CLEC16A: variants seen among roughly 807,000 people sequenced by gnomAD.
CLEC16A encodes C-type lectin domain containing 16A.
In CLEC16A, 51 loss-of-function variants were observed where a neutral mutation model predicts 109.5. The observed-to-expected ratio is 0.47, with a 90% CI of 0.37 to 0.59. CLEC16A has a LOEUF of 0.59. Among genes scored for constraint, CLEC16A ranks in the 20% least tolerant of loss-of-function variants. CLEC16A has a pLI of 0.00. For synonymous variants in CLEC16A, 673 were observed against 564.2 expected (o/e 1.19, Z -2.73); for missense variants, 1,339 against 1,394.0 (o/e 0.96, Z 0.63).
At chr16:11,150,481 G>A (rs185408405) in intron 22 of CLEC16A, among the ~76,000 whole-genome samples, 211 of 152,188 alleles carry the variant, frequency 1.4e-3, no homozygotes, top group African/African-American at 4.6e-3. Context: ...TTTCTATCCC[G>A]GGCAGCGTTG....
chr16:10,968,176 TAAG>T (rs927197740), intron 3 of CLEC16A, among the ~76,000 whole-genome samples: 1 of 152,212 alleles, frequency 6.6e-6, no homozygotes, highest in African/African-American at 2.4e-5. Flanking sequence ...GGGTGGCTGG[TAAG>T]AACACAGAGG....
Position 10,971,482 on chromosome 16 carries a change from C to T in CLEC16A, c.598+252C>T, listed in dbSNP as rs542874615. On this transcript the variant is annotated intron_variant, in intron 5 of 23. Transcript: ENST00000409790. ...TAGAAGTAGGATGTCCTGAGAGGCACGTGTGGGATTCAGAGTGGCTATGTT... is the reference window on the plus strand; with the variant it reads ...TAGAAGTAGGATGTCCTGAGAGGCATGTGTGGGATTCAGAGTGGCTATGTT... The T allele has an allele frequency of 5.9e-4, 513 of 875,406 alleles. 7 individuals carry two copies. In the South Asian group the frequency reaches 0.019, roughly 33 times the overall value. 54.2% of individuals were successfully genotyped at this position (875,406 alleles called of 1,614,324 possible).
At chr16:11,067,138 TTTGTTG>T (rs138102294) in intron 19 of CLEC16A, among the ~76,000 whole-genome samples, 1 of 149,392 alleles carries the variant, frequency 6.7e-6, no homozygotes, top group Non-Finnish European at 1.5e-5. Flanking sequence ...GGGGAGTGGG[TTTGTTG>T]TTGTTGTGGG....
chr16:10,987,691 C>G (rs1237639555), intron 10 of CLEC16A, among the ~76,000 whole-genome samples: 1 of 152,216 alleles, frequency 6.6e-6, no homozygotes, highest in Admixed American at 6.5e-5. Context: ...TGAATTCCTT[C>G]TGTGACTTGT....
intron 22 of CLEC16A, among the ~76,000 whole-genome samples, chr16:11,163,761 C>A (rs986840862): frequency 6.6e-6 from 1 of 152,168 alleles, no homozygotes; most frequent in South Asian, 2.1e-4. Flanking sequence ...TGTCATTGAT[C>A]CCTTCCAGCC....
chr16:11,082,339 C>G (rs1481190954), intron 19 of CLEC16A, among the ~76,000 whole-genome samples: 1 of 152,218 alleles, frequency 6.6e-6, no homozygotes, highest in African/African-American at 2.4e-5. Flanking sequence ...GCTGCCACTT[C>G]CCCATTGAGG....
chr16:11,154,709 G>C (rs2054438183), intron 22 of CLEC16A, among the ~76,000 whole-genome samples: 1 of 152,174 alleles, frequency 6.6e-6, no homozygotes, highest in South Asian at 2.1e-4. Flanking sequence ...CGGATCACCT[G>C]AGGTCAGGAG....
chr16:11,050,043 T>TAA (rs367707193), intron 17 of CLEC16A, among the ~76,000 whole-genome samples: 2 of 152,136 alleles, frequency 1.3e-5, no homozygotes, highest in African/African-American at 4.8e-5. Flanking sequence ...ACTTAATTTA[T>TAA]AAAAAAAAGA....
chr16:11,175,210 C>G (rs1220333582), intron 23 of CLEC16A, among the ~76,000 whole-genome samples: 3 of 152,212 alleles, frequency 2.0e-5, no homozygotes, highest in Non-Finnish European at 1.5e-5. Context: ...AGATCAGTTT[C>G]TGAGGTGCTG....
At chr16:11,125,171 C>T (rs1020134249) in intron 21 of CLEC16A, among the ~76,000 whole-genome samples, 2 of 152,198 alleles carry the variant, frequency 1.3e-5, no homozygotes, top group African/African-American at 4.8e-5. Context: ...CCGCGTCCCA[C>T]GTTGTCGTCC....
Position 11,061,068 on chromosome 16 carries a change from G to A in CLEC16A, c.2116+46G>A, listed in dbSNP as rs756530535. 9.7e-6 allele frequency: 15 copies of A among 1,548,776 alleles called. No individual in the cohort carries two copies. In the East Asian group the frequency reaches 3.0e-4, roughly 31 times the overall value. On this transcript the variant is annotated intron_variant, in intron 19 of 23. Transcript: ENST00000409790. ...CACAGCAGGGGGCTGGGGGACATGG[G>A]ACATGGGACACCACTCTGCTGATTC...
At chr16:10,963,732 A>G (rs2042366741) in intron 3 of CLEC16A, among the ~76,000 whole-genome samples, 1 of 152,226 alleles carries the variant, frequency 6.6e-6, no homozygotes, top group South Asian at 2.1e-4. Context: ...CCCAGGCGCC[A>G]GCTCTAGCAA....
chr16:10,957,921 C>T lies in CLEC16A; in HGVS notation c.209+11C>T, dbSNP rs1567501967. 6.2e-7 allele frequency: 1 copy of T among 1,611,808 alleles called. No homozygotes were observed. The highest frequency in any genetic ancestry group is 1.7e-5 in the Admixed American group (1 of 59,708). On this transcript the variant is annotated intron_variant, in intron 2 of 23. Coordinates refer to ENST00000409790, the MANE Select transcript of CLEC16A (RefSeq NM_015226.3). ...CAGCTCTGTATTTGAGTAAGGGTTT[C>T]TAATGATTGCTGTTCTTTGATTATT...
chr16:11,153,413 G>C (rs2054373664), intron 22 of CLEC16A, among the ~76,000 whole-genome samples: 1 of 152,002 alleles, frequency 6.6e-6, no homozygotes, highest in African/African-American at 2.4e-5. Flanking sequence ...TTAGGGTCAT[G>C]TCCAGAGTTG....
intron 16 of CLEC16A, among the ~76,000 whole-genome samples, chr16:11,044,961 T>G (rs1443479507): frequency 1.3e-5 from 2 of 152,078 alleles, no homozygotes; most frequent in African/African-American, 4.8e-5. Flanking sequence ...TGCCGTGGTT[T>G]TGTTTTAGCT....
At chr16:11,145,313 C>G (rs1157456502) in intron 22 of CLEC16A, among the ~76,000 whole-genome samples, 1 of 152,212 alleles carries the variant, frequency 6.6e-6, no homozygotes, top group Non-Finnish European at 1.5e-5. Flanking sequence ...ATGACCCACA[C>G]TTAGCTGGAA....
At chr16:10,992,651 C>T (rs1390196159) in intron 10 of CLEC16A, among the ~76,000 whole-genome samples, 1 of 151,870 alleles carries the variant, frequency 6.6e-6, no homozygotes, top group African/African-American at 2.4e-5. Context: ...GAATGTGCTC[C>T]ATCTGTGAGG....
intron 19 of CLEC16A, among the ~76,000 whole-genome samples, chr16:11,086,092 T>G (rs758152196): frequency 1.3e-5 from 2 of 152,232 alleles, no homozygotes; most frequent in Non-Finnish European, 2.9e-5. Flanking sequence ...TGAAAGTGCA[T>G]TGTTACTGTT....
intron 10 of CLEC16A, among the ~76,000 whole-genome samples, chr16:10,998,799 G>T (rs889808935): frequency 2.0e-5 from 3 of 152,132 alleles, no homozygotes; most frequent in Non-Finnish European, 4.4e-5. Flanking sequence ...GGGTAGAGAT[G>T]AGAGCACAGT....
Sources: allele counts gnomAD v4.1 joint callset (sites outside exome capture counted in the v4.1 genomes callset), GRCh38; gene constraint gnomAD v4.1.1; transcripts MANE v1.5; gene names NCBI Gene and HGNC (gene_info 2026-07-23, HGNC 2026-07-21).